The following RAB11FIP1 variants were observed in gnomAD, a reference collection of about 807,000 sequenced individuals.
The protein encoded by RAB11FIP1 is RAB11 family interacting protein 1, also known as rab11 family-interacting protein 1.
RAB11FIP1 carries 49 observed loss-of-function variants against 83.1 expected under a neutral mutation model. That is an observed-to-expected ratio of 0.59 (90% confidence interval 0.47 to 0.75). The LOEUF (loss-of-function observed/expected upper bound fraction) is 0.75, where lower values mean the gene tolerates loss of function less well. RAB11FIP1 is among the 30% of genes least tolerant of loss of function. The pLI, the probability that RAB11FIP1 is intolerant of heterozygous loss-of-function variation, is 0.00. For missense variants in RAB11FIP1, 1,536 were observed against 1,598.7 expected (o/e 0.96, Z 0.67); for synonymous variants, 670 against 656.0 (o/e 1.02, Z -0.33).
rs1003868717 is a variant in RAB11FIP1, at chr8:37,876,438, A to AT, written c.814+670dup. On this transcript the variant is annotated intron_variant, in intron 2 of 5. Coordinates refer to ENST00000330843, the MANE Select transcript of RAB11FIP1 (RefSeq NM_001002814.3). ...GTGAGACCTCATCTCTAAAAAAAAA[A>AT]TTTTTTTTAATTAATCAGGTGTGAT... Among the ~76,000 whole-genome samples, 6 of 151,358 alleles carry AT rather than the reference A, an allele frequency of 4.0e-5. No homozygotes were observed. The East Asian group carries it at 5.9e-4, about 15-fold the overall frequency.
chr8:37,890,707 G>A (rs1219116794), intron 1 of RAB11FIP1, among the ~76,000 whole-genome samples: 1 of 151,560 alleles, frequency 6.6e-6, no homozygotes, highest in Non-Finnish European at 1.5e-5. Flanking sequence ...CCTGGGAGGC[G>A]GAGGTTGCAG....
chr8:37,873,922 A>C (rs1218879816), intron 3 of RAB11FIP1, among the ~76,000 whole-genome samples: 2 of 152,146 alleles, frequency 1.3e-5, no homozygotes, highest in African/African-American at 4.8e-5. Flanking sequence ...CTCTAAAAAA[A>C]AAAATCTCAC....
At chr8:37,865,407 C>T (rs1464976766) in intron 5 of RAB11FIP1, among the ~76,000 whole-genome samples, 2 of 151,506 alleles carry the variant, frequency 1.3e-5, no homozygotes, top group Non-Finnish European at 2.9e-5. Flanking sequence ...GCAACCTCTG[C>T]CTCCCAGGTT....
chr8:37,871,684 TCA>T lies in RAB11FIP1; in HGVS notation c.3116_3117del (p.Val1039AspfsTer25). On this transcript the variant is annotated frameshift_variant, in exon 4 of 6. Coordinates refer to ENST00000330843, the MANE Select transcript of RAB11FIP1 (RefSeq NM_001002814.3). LOFTEE classifies it high-confidence loss of function. ...DFRLQAPQAS[V>X]TAPSEQTTEF... ...TCTGTGGTCTGCTCTGAAGGAGCTG[TCA>T]CAGATGCCTGGGGTGCTTGCAGCCT... 6.2e-7 allele frequency: 1 copy of T among 1,613,920 alleles called. No individual in the cohort carries two copies. Among genetic ancestry groups the T allele is most frequent in the Non-Finnish European group, 8.5e-7 (1 of 1,180,006 alleles).
intron 5 of RAB11FIP1, among the ~76,000 whole-genome samples, chr8:37,863,563 A>T (rs1806284625): frequency 6.6e-6 from 1 of 152,104 alleles, no homozygotes; most frequent in South Asian, 2.1e-4. Context: ...ATCCGTTTTC[A>T]ATTTACAGTG....
Position 37,872,472 on chromosome 8 carries a change from A to G in RAB11FIP1, c.2330T>C (p.Met777Thr), listed in dbSNP as rs918138079. ...AAEEVAPPLP[M>T]GASVPSIDSM... ...ATCAATGGAAGGGACTGATGCTCCC[A>G]TGGGAAGAGGGGGCGCCACTTCTTC... The change falls in exon 4 of 6, where the codon ATG becomes ACG. Residue 777 changes from methionine to threonine, a missense_variant. By Grantham distance (81) the Met-to-Thr change is moderately conservative. Transcript: ENST00000330843. The G allele has an allele frequency of 2.5e-6, 4 of 1,613,984 alleles. No individual in the cohort carries two copies. The highest frequency in any genetic ancestry group is 3.4e-6 in the Non-Finnish European group (4 of 1,180,014).
chr8:37,899,425 G>A lies in RAB11FIP1; in HGVS notation c.17C>T (p.Ser6Leu), dbSNP rs760406991. Residue 6 changes from serine to leucine, a missense_variant, in exon 1 of 6, where the codon TCG becomes TTG. Ser to Leu is a moderately radical substitution (Grantham distance 145). Transcript: ENST00000330843. The surrounding 1 kb of genome is among the most constrained non-coding windows in gnomAD (Gnocchi z 4.5). ...CACGGCCCCCAGGCCCCGGCCAGCC[G>A]AGACCATTAGGGACATGGTGACGAT... MSLMV[S>L]AGRGLGAVWS... is the part of the protein sequence containing the mutation. 3 of 1,577,170 alleles carry A rather than the reference G, an allele frequency of 1.9e-6. No individual in the cohort carries two copies. The highest frequency in any genetic ancestry group is 2.6e-6 in the Non-Finnish European group (3 of 1,164,440).
chr8:37,886,833 G>A (rs183967055), intron 1 of RAB11FIP1, among the ~76,000 whole-genome samples: 101 of 152,338 alleles, frequency 6.6e-4, no homozygotes, highest in Non-Finnish European at 1.2e-3. Context: ...TAGCAGTTGA[G>A]AACATCTTTT....
chr8:37,872,590 C>T lies in RAB11FIP1; in HGVS notation c.2212G>A (p.Val738Met), dbSNP rs143052657. ...GCTGCAAGCTCCCCAACAGGGCTCA[C>T]AGCTCCATCACTGCTGAGTGAAAGG... The part of the protein sequence containing the change: ...FALSLSSDGA[V>M]SPVGELAAGG... The change falls in exon 4 of 6, where the codon GTG (valine) becomes ATG (methionine). Residue 738 changes from valine to methionine, a missense_variant. Val to Met is a conservative substitution (Grantham distance 21, BLOSUM62 1). Transcript: ENST00000330843. The T allele has an allele frequency of 2.5e-6, 4 of 1,614,134 alleles. No individual in the cohort carries two copies. In the African/African-American group the frequency reaches 5.3e-5, roughly 22 times the overall value.
intron 1 of RAB11FIP1, among the ~76,000 whole-genome samples, chr8:37,894,915 G>A (rs1388113793): frequency 6.7e-6 from 1 of 149,478 alleles, no homozygotes. Context: ...CTGCCACCAC[G>A]TCCAGCTAAT....
In RAB11FIP1 at chr8:37,877,443, A is replaced by G; in HGVS notation, c.480T>C (p.Leu160=). The change falls in exon 2 of 6, where the codon CTT becomes CTC. Residue 160 remains leucine, a synonymous_variant. Transcript: ENST00000330843. ...RNNMTASMFD[L]SMKDKSRNPF... is the part of the protein sequence containing the mutation. ...GATTCCGAGACTTGTCTTTCATAGAAAGGTCAAACATGCTGGCAGTCATGT... is the reference window on the plus strand; with the variant it reads ...GATTCCGAGACTTGTCTTTCATAGAGAGGTCAAACATGCTGGCAGTCATGT... 6.2e-7 allele frequency: 1 copy of G among 1,614,044 alleles called. No individual in the cohort carries two copies. Among genetic ancestry groups the G allele is most frequent in the Non-Finnish European group, 8.5e-7 (1 of 1,179,964 alleles).
Position 37,899,127 on chromosome 8 carries a change from G to A in RAB11FIP1, c.315C>T (p.Gly105=). The part of the protein sequence containing the change: ...RALLGLDKFL[G]RAEVDLRDLH... The stretch of plus-strand genomic sequence containing the variant: ...GATCCCGCAGGTCCACCTCGGCGCG[G>A]CCCAGGAACTTGTCGAGGCCGAGCA... Residue 105 remains glycine, a synonymous_variant, in exon 1 of 6, where the codon GGC becomes GGT. Coordinates refer to ENST00000330843, the MANE Select transcript of RAB11FIP1 (RefSeq NM_001002814.3). The surrounding 1 kb of genome is among the most constrained non-coding windows in gnomAD (Gnocchi z 4.5). 1 of 1,541,038 alleles carries A rather than the reference G, an allele frequency of 6.5e-7. No individual in the cohort carries two copies. Among genetic ancestry groups the A allele is most frequent in the Non-Finnish European group, 8.7e-7 (1 of 1,153,358 alleles).
rs766430242 is a variant in RAB11FIP1 at position 37,899,408 on chromosome 8, C to T, written c.34G>A (p.Gly12Arg). Residue 12 changes from glycine to arginine, a missense_variant, in exon 1 of 6, where the codon GGG (glycine) becomes AGG (arginine). Physicochemically the swap from Gly to Arg is moderately radical, Grantham distance 125 (BLOSUM62 -2). Transcript: ENST00000330843. This position sits in a 1 kb window ranked among gnomAD's most constrained non-coding sequence, Gnocchi z 4.5. ...SLMVSAGRGL[G>R]AVWSPTHVQV... ...ACGTGGGTTGGGGACCACACGGCCCCCAGGCCCCGGCCAGCCGAGACCATT... is the reference window on the plus strand; with the variant it reads ...ACGTGGGTTGGGGACCACACGGCCCTCAGGCCCCGGCCAGCCGAGACCATT... The T allele has an allele frequency of 1.9e-6, 3 of 1,589,052 alleles. No individual in the cohort carries two copies. The highest frequency in any genetic ancestry group is 2.3e-5 in the East Asian group (1 of 43,508).
rs142376228 is a variant in RAB11FIP1 at position 37,897,585 on chromosome 8, T to C, written c.371+1486A>G. ...GTAATATCATGGAGTGAATGGTTTT[T>C]GCCCAGTTTTTACTGCAGAAGTGAA... On this transcript the variant is annotated intron_variant, in intron 1 of 5. Transcript: ENST00000330843. Among the ~76,000 whole-genome samples the C allele has an allele frequency of 5.5e-3, 830 of 151,476 alleles. 7 individuals carry two copies. The highest frequency in any genetic ancestry group is 0.019 in the African/African-American group (786 of 41,238).
rs143940041 is a variant in RAB11FIP1 at position 37,891,114 on chromosome 8, G to T, written c.371+7957C>A. ...TCCTCCTGAGCCAGCTGGGGCATGA[G>T]ATCTGAACCAGGACATCTTATGGAG... On this transcript the variant is annotated intron_variant, in intron 1 of 5. Coordinates refer to ENST00000330843, the MANE Select transcript of RAB11FIP1 (RefSeq NM_001002814.3). 1.1e-3 allele frequency among the ~76,000 whole-genome samples: 167 copies of T among 152,310 alleles called. 2 individuals are homozygous for T. The highest frequency in any genetic ancestry group is 3.4e-3 in the African/African-American group (142 of 41,580).
Position 37,874,792 on chromosome 8 carries a change from C to A in RAB11FIP1, c.1345G>T (p.Gly449Cys). The A allele has an allele frequency of 6.2e-7, 1 of 1,614,146 alleles. No homozygotes were observed. Among genetic ancestry groups the A allele is most frequent in the Non-Finnish European group, 8.5e-7 (1 of 1,180,018 alleles). ...GTGAGAGGGTTTTCACCTTCACTGCCCTTAGCCACATCCTTCTTCCCCGTC... is the reference window on the plus strand; with the variant it reads ...GTGAGAGGGTTTTCACCTTCACTGCACTTAGCCACATCCTTCTTCCCCGTC... ...LMTGKKDVAK[G>C]SEGENPLTVP... Residue 449 changes from glycine to cysteine, a missense_variant, in exon 3 of 6, where the codon GGC (glycine) becomes TGC (cysteine). By Grantham distance (159) the Gly-to-Cys change is radical (BLOSUM62 -3). Coordinates refer to ENST00000330843, the MANE Select transcript of RAB11FIP1 (RefSeq NM_001002814.3).
intron 5 of RAB11FIP1, 130 bp downstream of exon 5, chr8:37,870,290 A>T (rs1451722539): frequency 1.9e-6 from 1 of 527,544 alleles, no homozygotes; most frequent in Non-Finnish European, 3.5e-6. Context: ...AAGTTTACTC[A>T]AAGACTCAAG....
Position 37,877,161 on chromosome 8 carries a change from C to A in RAB11FIP1, c.762G>T (p.Gln254His). The A allele has an allele frequency of 1.2e-6, 2 of 1,614,146 alleles. No homozygotes were observed. ...EKVLLRPGDFQSQWDEDDNED... is the reference protein window; with the variant it reads ...EKVLLRPGDFHSQWDEDDNED... Reference sequence around the variant, plus strand: ...CATTGTCATCTTCATCCCACTGGGACTGAAAGTCTCCGGGACGAAGCAGCA... The same window carrying A: ...CATTGTCATCTTCATCCCACTGGGAATGAAAGTCTCCGGGACGAAGCAGCA... The change falls in exon 2 of 6, where the codon CAG becomes CAT. Residue 254 changes from glutamine to histidine, a missense_variant. By Grantham distance (24) the Gln-to-His change is conservative. Coordinates refer to ENST00000330843, the MANE Select transcript of RAB11FIP1 (RefSeq NM_001002814.3).
intron 5 of RAB11FIP1, among the ~76,000 whole-genome samples, chr8:37,863,407 G>A (rs1282664062): frequency 1.3e-5 from 2 of 152,074 alleles, no homozygotes; most frequent in South Asian, 2.1e-4. Flanking sequence ...CACCATGCCT[G>A]ACTAATTTTT....
Sources: allele counts gnomAD v4.1 joint callset (sites outside exome capture counted in the v4.1 genomes callset), GRCh38; gene constraint gnomAD v4.1.1; non-coding constraint Gnocchi (gnomAD v3.1); transcripts MANE v1.5; gene names NCBI Gene and HGNC (gene_info 2026-07-23, HGNC 2026-07-21).